MACIR: variants seen among roughly 807,000 people sequenced by gnomAD.
MACIR encodes the protein UNC119-binding protein C5orf30.
MACIR carries 4 observed loss-of-function variants against 14.3 expected under a neutral mutation model. That is an observed-to-expected ratio of 0.28 (90% CI 0.14 to 0.64). The LOEUF is 0.64. Ranked by LOEUF, MACIR falls within the 30% of genes least tolerant of loss-of-function variation. The probability of loss-of-function intolerance (pLI) is 0.83; values close to 1 mark genes in which losing one functional copy is unlikely to be tolerated. For synonymous variants in MACIR, 101 were observed against 102.4 expected (o/e 0.99, Z 0.08); for missense variants, 228 against 257.6 (o/e 0.89, Z 0.79).
rs1554237770 is a variant in MACIR at position 103,276,556 on chromosome 5, C to T, written c.*16C>T. ...TAATACATGAATGACTTGGAGAGAG[C>T]TTAAACCAATTTAGGTCAGCCTACG... is the stretch of plus-strand genomic sequence containing the variant. On this transcript the variant is annotated 3_prime_UTR_variant, in exon 3 of 3. Transcript: ENST00000319933. 4 of 1,591,346 alleles carry T rather than the reference C, an allele frequency of 2.5e-6. No homozygotes were observed. Among genetic ancestry groups the T allele is most frequent in the South Asian group, 1.1e-5 (1 of 87,288 alleles).
chr5:103,264,024 A>G (rs376665867), intron 1 of MACIR, among the ~76,000 whole-genome samples: 1 of 152,150 alleles, frequency 6.6e-6, no homozygotes. Flanking sequence ...AGTTCCCCCA[A>G]CCATTTCACA....
At chr5:103,260,676 T>C (rs2149918683) in intron 1 of MACIR, among the ~76,000 whole-genome samples, 1 of 152,368 alleles carries the variant, frequency 6.6e-6, no homozygotes, top group South Asian at 2.1e-4. Flanking sequence ...TTTGCTTATT[T>C]TCTTTGTATA....
intron 2 of MACIR, among the ~76,000 whole-genome samples, chr5:103,267,328 T>C (rs1804962806): frequency 6.6e-6 from 1 of 152,198 alleles, no homozygotes; most frequent in African/African-American, 2.4e-5. Context: ...GTTACATAAA[T>C]AGTGGCTGTA....
rs1413505312 is a variant in MACIR at position 103,278,087 on chromosome 5, G to C, written c.*1547G>C. On this transcript the variant is annotated 3_prime_UTR_variant, in exon 3 of 3. Transcript: ENST00000319933. ...AACTACGTGAAAGAGCCTTGGGGAA[G>C]TTGGCCCATATCTTACTAAGTTGAT... 2 of 167,032 alleles carry C rather than the reference G, an allele frequency of 1.2e-5. No individual in the cohort carries two copies. The highest frequency in any genetic ancestry group is 2.9e-5 in the Non-Finnish European group (2 of 68,096). 10.3% of individuals were successfully genotyped at this position (167,032 alleles called of 1,614,324 possible). A position where few individuals can be genotyped will look rare whatever the true frequency, so the allele number is the denominator to read the frequency against.
chr5:103,275,524 T>G (rs1460053985), intron 2 of MACIR, among the ~76,000 whole-genome samples: 1 of 152,162 alleles, frequency 6.6e-6, no homozygotes, highest in Non-Finnish European at 1.5e-5. Context: ...TATGATGGCT[T>G]TCATTTGCTT....
intron 1 of MACIR, chr5:103,259,392 G>A (rs1016167818): frequency 5.9e-5 from 9 of 152,122 alleles, no homozygotes. Flanking sequence ...CGGAAGTCGG[G>A]GCGCGTTGGC....
In MACIR at chr5:103,268,774, A is replaced by T. The variant is rs147783547; in HGVS notation, c.-24+2777A>T. Among the ~76,000 whole-genome samples the T allele has an allele frequency of 5.5e-3, 830 of 151,996 alleles. 13 individuals carry two copies. Among genetic ancestry groups the T allele is most frequent in the African/African-American group, 0.019 (795 of 41,432 alleles). ...ACCACATGCTAGAAGCACAACATGG[A>T]CTTGGAGCCAGGGGGCCTGGGTTGT... is the stretch of plus-strand genomic sequence containing the variant. On this transcript the variant is annotated intron_variant, in intron 2 of 2. Transcript: ENST00000319933.
chr5:103,266,375 A>G (rs1804923107), intron 2 of MACIR, among the ~76,000 whole-genome samples: 1 of 152,164 alleles, frequency 6.6e-6, no homozygotes, highest in Non-Finnish European at 1.5e-5. Context: ...AATAATTTGC[A>G]AAAAATTCTG....
chr5:103,264,155 A>G (rs1804838492), intron 1 of MACIR, among the ~76,000 whole-genome samples: 1 of 152,148 alleles, frequency 6.6e-6, no homozygotes, highest in South Asian at 2.1e-4. Context: ...AAGGCTATAC[A>G]TGTTGTCTTA....
chr5:103,265,114 A>G (rs902619609), intron 1 of MACIR, among the ~76,000 whole-genome samples: 12 of 152,102 alleles, frequency 7.9e-5, no homozygotes, highest in Admixed American at 3.9e-4. Flanking sequence ...TCTCTTACAC[A>G]TTAACTTCCC....
chr5:103,276,439 G>C lies in MACIR; in HGVS notation c.520G>C (p.Asp174His), dbSNP rs1213626859. 3 of 1,613,928 alleles carry C rather than the reference G, an allele frequency of 1.9e-6. No individual in the cohort carries two copies. Among genetic ancestry groups the C allele is most frequent in the African/African-American group, 2.7e-5 (2 of 74,860 alleles). ...HSKSLDYLNL[D>H]KMIKEPADTE... Reference sequence around the variant, plus strand: ...CAAATCTCTGGACTACCTCAATCTAGATAAAATGATCAAGGAGCCAGCTGA... The same window carrying C: ...CAAATCTCTGGACTACCTCAATCTACATAAAATGATCAAGGAGCCAGCTGA... Residue 174 changes from aspartate (D) to histidine (H), a missense_variant, in exon 3 of 3, where the codon GAT becomes CAT. Physicochemically the swap from Asp to His is moderately conservative, Grantham distance 81 (BLOSUM62 -1). Coordinates refer to ENST00000319933, the MANE Select transcript of MACIR (RefSeq NM_033211.4).
intron 1 of MACIR, among the ~76,000 whole-genome samples, chr5:103,262,489 A>G (rs1489304181): frequency 6.6e-6 from 1 of 152,186 alleles, no homozygotes; most frequent in Non-Finnish European, 1.5e-5. Context: ...CTATGAATTG[A>G]GATATATAGT....
At chr5:103,263,155 T>C (rs1804788269) in intron 1 of MACIR, among the ~76,000 whole-genome samples, 1 of 152,154 alleles carries the variant, frequency 6.6e-6, no homozygotes, top group Admixed American at 6.5e-5. Context: ...AGTTAGTTTC[T>C]GGTCTTGTTC....
intron 2 of MACIR, among the ~76,000 whole-genome samples, 195 bp downstream of exon 2, chr5:103,266,192 G>A (rs1580570831): frequency 6.6e-6 from 1 of 152,040 alleles, no homozygotes; most frequent in Non-Finnish European, 1.5e-5. Flanking sequence ...TGAACTTATT[G>A]TTGCAATATG....
At chr5:103,262,267 A>T (rs1448024866) in intron 1 of MACIR, among the ~76,000 whole-genome samples, 2 of 147,932 alleles carry the variant, frequency 1.4e-5, no homozygotes, top group East Asian at 3.9e-4. Context: ...TTGTTGAATG[A>T]CTGAATAAGT....
intron 2 of MACIR, among the ~76,000 whole-genome samples, chr5:103,273,752 C>T (rs1805220093): frequency 6.6e-6 from 1 of 152,186 alleles, no homozygotes; most frequent in Non-Finnish European, 1.5e-5. Flanking sequence ...ATTTTAGCCT[C>T]ACCTCTGTAT....
intron 2 of MACIR, among the ~76,000 whole-genome samples, chr5:103,274,272 T>G (rs1429110116): frequency 1.3e-5 from 2 of 152,022 alleles, no homozygotes; most frequent in East Asian, 3.8e-4. Context: ...CTAAGAAGTC[T>G]TATATGCATA....
intron 1 of MACIR, among the ~76,000 whole-genome samples, chr5:103,261,702 C>CCT (rs1562545898): frequency 3.9e-4 from 39 of 100,736 alleles, no homozygotes; most frequent in East Asian, 3.0e-3. Context: ...TTCTTTCTTT[C>CCT]TTCCTTTCTT....
chr5:103,274,385 A>C (rs1554237436), intron 2 of MACIR, among the ~76,000 whole-genome samples: 1 of 150,692 alleles, frequency 6.6e-6, no homozygotes, highest in African/African-American at 2.4e-5. Flanking sequence ...AAAAATATTT[A>C]CATTAAAAAT....
Sources: gnomAD v4.1 joint callset for allele counts (sites outside exome capture counted in the v4.1 genomes callset) on GRCh38, gnomAD v4.1.1 for gene constraint, MANE v1.5 for transcripts, NCBI Gene and HGNC (gene_info 2026-07-23, HGNC 2026-07-21) for gene names.